The following ECE1 variants were observed in gnomAD, a reference collection of about 807,000 sequenced individuals.
ECE1 encodes endothelin-converting enzyme 1.
ECE1 carries 35 observed loss-of-function variants against 98.6 expected under a neutral mutation model. The observed-to-expected ratio is 0.35, with a 90% CI of 0.27 to 0.47. The LOEUF (loss-of-function observed/expected upper bound fraction) is 0.47, where lower values mean the gene tolerates loss of function less well. Ranked by LOEUF, ECE1 falls within the 20% of genes least tolerant of loss-of-function variation. The probability of loss-of-function intolerance (pLI) is 1.00; values close to 1 mark genes in which losing one functional copy is unlikely to be tolerated. For synonymous variants in ECE1, 394 were observed against 407.1 expected (o/e 0.97, Z 0.39); for missense variants, 814 against 1,025.3 (o/e 0.79, Z 2.81).
chr1:21,318,209 C>A (rs989641286), intron 1 of ECE1, among the ~76,000 whole-genome samples: 43 of 152,254 alleles, frequency 2.8e-4, no homozygotes, highest in African/African-American at 1.0e-3. Context: ...AGCAGGAGGC[C>A]CTCGTGTGGA....
intron 2 of ECE1, among the ~76,000 whole-genome samples, chr1:21,287,960 GAAA>G (rs71569828): frequency 7.2e-6 from 1 of 139,552 alleles, no homozygotes; most frequent in African/African-American, 2.6e-5. Context: ...TTACACTGGG[GAAA>G]AAAAAAAAAA....
At chr1:21,245,567 C>T (rs1332317135) in intron 9 of ECE1, among the ~76,000 whole-genome samples, 1 of 152,198 alleles carries the variant, frequency 6.6e-6, no homozygotes, top group Non-Finnish European at 1.5e-5. Flanking sequence ...TCCATGATGA[C>T]AGCTCCTACT....
In ECE1 at chr1:21,340,502, C is replaced by T. The variant is rs1327798846; in HGVS notation, c.3+4874G>A. On this transcript the variant is annotated intron_variant, in intron 1 of 18. Coordinates refer to the ECE1 transcript ENST00000415912. This position sits in a 1 kb window ranked among gnomAD's most constrained non-coding sequence, Gnocchi z 4.6. ...CAATCACCACAAAGCAGCCTGTGAC[C>T]ATCTCAGAATGCAAATCCGACCGTG... 6.6e-6 allele frequency among the ~76,000 whole-genome samples: 1 copy of T among 152,228 alleles called. No homozygotes were observed. Among genetic ancestry groups the T allele is most frequent in the Non-Finnish European group, 1.5e-5 (1 of 68,040 alleles).
chr1:21,254,863 C>T (rs938474748), intron 8 of ECE1, among the ~76,000 whole-genome samples: 2 of 152,154 alleles, frequency 1.3e-5, no homozygotes, highest in East Asian at 1.9e-4. Context: ...TGACCCTGAT[C>T]GTGGGCCCTA....
chr1:21,286,713 C>T (rs1019297312), intron 2 of ECE1, among the ~76,000 whole-genome samples: 1 of 151,696 alleles, frequency 6.6e-6, no homozygotes. Context: ...TCACTTGAGG[C>T]CAGGAGTTCG....
chr1:21,222,349 A>C (rs2098168611), intron 17 of ECE1, among the ~76,000 whole-genome samples: 1 of 152,026 alleles, frequency 6.6e-6, no homozygotes, highest in African/African-American at 2.4e-5. Flanking sequence ...TGCCTGGACA[A>C]CCTCACAACA....
intron 1 of ECE1, among the ~76,000 whole-genome samples, chr1:21,316,108 G>A (rs1490918340): frequency 1.3e-5 from 2 of 152,284 alleles, no homozygotes; most frequent in East Asian, 1.9e-4. Flanking sequence ...CACACAATGC[G>A]CCAGACACTG....
chr1:21,255,121 C>A (rs3026884), intron 8 of ECE1, among the ~76,000 whole-genome samples: 37,066 of 152,180 alleles, frequency 0.24, 5,574 homozygotes, highest in Non-Finnish European at 0.34. Context: ...AGGGCAGGGA[C>A]CTAGTGTTCT....
chr1:21,280,373 C>A (rs181193689), intron 2 of ECE1, among the ~76,000 whole-genome samples: 13 of 152,112 alleles, frequency 8.5e-5, no homozygotes, highest in Non-Finnish European at 1.8e-4. Context: ...AAGAAACAGA[C>A]TGGGGTGGGC....
At position 21,272,974 on chromosome 1, in the gene ECE1, GA is replaced by G. The variant is rs2098242094; in HGVS notation, c.281-64del. On this transcript the variant is annotated intron_variant, in intron 3 of 18. Coordinates refer to ENST00000374893, the MANE Select transcript of ECE1 (RefSeq NM_001397.3). ...GCAGGGAAGAAGCAGGGAGGGCAGA[GA>G]AGGGGGCTTGGGGCCCAGGGGCCAC... is the stretch of plus-strand genomic sequence containing the variant. 1.3e-4 allele frequency: 199 copies of G among 1,590,900 alleles called. 3 individuals are homozygous for G. In the South Asian group the frequency reaches 2.2e-3, roughly 17 times the overall value.
chr1:21,231,230 A>G (rs976821363), intron 14 of ECE1, among the ~76,000 whole-genome samples: 3 of 152,218 alleles, frequency 2.0e-5, no homozygotes, highest in African/African-American at 7.2e-5. Context: ...TCTCTGGTAC[A>G]GAGGGGAAGG....
Position 21,221,816 on chromosome 1 carries a change from GTTC to G in ECE1, c.2064_2066del (p.Lys688del). On this transcript the variant is annotated inframe_deletion, in exon 18 of 19. Transcript: ENST00000374893. ...GGGTGGGGAGCGAGTGCTCAGCCCC[GTTC>G]TTCTTCACCCAGTTCTGGTAAGCCT... The G allele has an allele frequency of 3.7e-6, 6 of 1,614,198 alleles. No homozygotes were observed. Among genetic ancestry groups the G allele is most frequent in the Non-Finnish European group, 5.1e-6 (6 of 1,180,030 alleles).
chr1:21,276,512 G>C (rs1283630934), intron 3 of ECE1, among the ~76,000 whole-genome samples: 1 of 152,110 alleles, frequency 6.6e-6, no homozygotes, highest in East Asian at 1.9e-4. Flanking sequence ...AAACTGTGTA[G>C]AATGCTTTCT....
In ECE1 at chr1:21,317,230, G is replaced by C. The variant is rs112114382; in HGVS notation, c.4-27074C>G. Among the ~76,000 whole-genome samples, 543 of 152,268 alleles carry C rather than the reference G, an allele frequency of 3.6e-3. 3 individuals are homozygous for C. Among genetic ancestry groups the C allele is most frequent in the African/African-American group, 0.013 (520 of 41,550 alleles). ...CAGACTTGGGCTTCGAGCCAGCCCTGTGCTTTGCTGCCATGCGATCCTAGT... is the reference window on the plus strand; with the variant it reads ...CAGACTTGGGCTTCGAGCCAGCCCTCTGCTTTGCTGCCATGCGATCCTAGT... On this transcript the variant is annotated intron_variant, in intron 1 of 18. Transcript: ENST00000415912.
At chr1:21,279,460 G>A in intron 2 of ECE1, 128 bp from the exon 3 acceptor site, 15 of 1,548,480 alleles carry the variant, frequency 9.7e-6, no homozygotes, top group Non-Finnish European at 1.3e-5. Context: ...TCTCAGGGGT[G>A]GTCTGGTTCC....
At position 21,290,251 on chromosome 1, in the gene ECE1, G is replaced by C; in HGVS notation, c.52-95C>G. On this transcript the variant is annotated intron_variant, in intron 1 of 18. Coordinates refer to ENST00000374893, the MANE Select transcript of ECE1 (RefSeq NM_001397.3). This position sits in a 1 kb window ranked among gnomAD's most constrained non-coding sequence, Gnocchi z 7.3. ...CCCCGACCCTGGCGCCGCCGCCGCC[G>C]CGCCCCGCCCCGGCCTGGACACCCG... is the stretch of plus-strand genomic sequence containing the variant. 1 of 1,371,796 alleles carries C rather than the reference G, an allele frequency of 7.3e-7. No individual in the cohort carries two copies. The highest frequency in any genetic ancestry group is 1.7e-5 in the South Asian group (1 of 60,552). 85.0% of individuals were successfully genotyped at this position (1,371,796 alleles called of 1,614,324 possible).
chr1:21,257,420 C>T (rs1409381209), intron 7 of ECE1, 105 bp downstream of exon 7: 3 of 1,295,012 alleles, frequency 2.3e-6, no homozygotes, highest in East Asian at 2.4e-5. Context: ...GTCACTGACA[C>T]CCCTGGGCTC....
In ECE1 at chr1:21,256,345, C is replaced by G. The variant is rs371653353; in HGVS notation, c.829-207G>C. Among the ~76,000 whole-genome samples, 66 of 152,276 alleles carry G rather than the reference C, an allele frequency of 4.3e-4. No homozygotes were observed. The East Asian group carries it at 7.0e-3, about 16-fold the overall frequency. ...CTGAGGTGGGTGGATCACCTAAGGTCAGGAGTTTGAGACCAACCTGGCCAA... is the reference window on the plus strand; with the variant it reads ...CTGAGGTGGGTGGATCACCTAAGGTGAGGAGTTTGAGACCAACCTGGCCAA... On this transcript the variant is annotated intron_variant, in intron 7 of 18. Coordinates refer to ENST00000374893, the MANE Select transcript of ECE1 (RefSeq NM_001397.3).
At chr1:21,318,048 G>A (rs770386952) in intron 1 of ECE1, among the ~76,000 whole-genome samples, 25 of 152,248 alleles carry the variant, frequency 1.6e-4, no homozygotes, top group African/African-American at 6.0e-4. Context: ...CAGACGGCAT[G>A]GACGAGGTCC....
Sources: allele counts gnomAD v4.1 joint callset (sites outside exome capture counted in the v4.1 genomes callset), GRCh38; gene constraint gnomAD v4.1.1; non-coding constraint Gnocchi (gnomAD v3.1); transcripts MANE v1.5; gene names NCBI Gene and HGNC (gene_info 2026-07-23, HGNC 2026-07-21).